Variants in DCP1B observed in about 807,000 individuals in gnomAD.
DCP1B encodes decapping mRNA 1B, also known as mRNA-decapping enzyme 1B.
In DCP1B, 47 loss-of-function variants were observed where a neutral mutation model predicts 60.5. The ratio of observed to expected loss-of-function variants is 0.78; its 90% confidence interval spans 0.61 to 0.99. The LOEUF (loss-of-function observed/expected upper bound fraction) is 0.99. DCP1B is among the 50% of genes least tolerant of loss of function. The probability of loss-of-function intolerance (pLI) is 0.00; values close to 1 mark genes in which losing one functional copy is unlikely to be tolerated. For missense variants in DCP1B, 725 were observed against 756.8 expected (o/e 0.96, Z 0.49); for synonymous variants, 267 against 280.3 (o/e 0.95, Z 0.47).
chr12:2,000,753 C>A (rs1223091961), intron 1 of DCP1B, among the ~76,000 whole-genome samples: 1 of 152,044 alleles, frequency 6.6e-6, no homozygotes, highest in African/African-American at 2.4e-5. Flanking sequence ...AAGAGATAAC[C>A]AGGCCGGGCA....
chr12:1,983,983 G>GT (rs1178754878), intron 3 of DCP1B, among the ~76,000 whole-genome samples: 1 of 151,906 alleles, frequency 6.6e-6, no homozygotes, highest in Non-Finnish European at 1.5e-5. Flanking sequence ...ATGCAATGTC[G>GT]TTTTTTATCC....
chr12:1,985,151 C>A (rs1423410842), intron 3 of DCP1B, among the ~76,000 whole-genome samples: 1 of 152,136 alleles, frequency 6.6e-6, no homozygotes, highest in Non-Finnish European at 1.5e-5. Context: ...TGAATCTATA[C>A]ATTTGTCTCC....
chr12:1,979,640 G>A (rs749558668), intron 3 of DCP1B, among the ~76,000 whole-genome samples: 2 of 152,170 alleles, frequency 1.3e-5, no homozygotes, highest in South Asian at 2.1e-4. Flanking sequence ...AACTACGAAC[G>A]GAACTTGTTG....
rs1333447512 is a variant in DCP1B, at chr12:1,967,855, C to A, written c.375G>T (p.Glu125Asp). Residue 125 changes from glutamate (E) to aspartate (D), a missense_variant, in exon 4 of 9, where the codon GAG becomes GAT. Glu to Asp is a conservative substitution (Grantham distance 45, BLOSUM62 2). Coordinates refer to ENST00000280665, the MANE Select transcript of DCP1B (RefSeq NM_152640.5). Reference protein sequence around the residue: ...YDKEECQRIAELMKNLTQYEQ... With the variant: ...YDKEECQRIADLMKNLTQYEQ... ...CTTTTAGTACTTACTTTTTCATAAG[C>A]TCTGCAATTCTTTGGCATTCTTCCT... The A allele has an allele frequency of 1.2e-6, 2 of 1,612,308 alleles. No homozygotes were observed. The highest frequency in any genetic ancestry group is 4.5e-5 in the East Asian group (2 of 44,752).
In DCP1B at chr12:1,949,196, C is replaced by T. The variant is rs200553703; in HGVS notation, c.1663G>A (p.Ala555Thr). 3.5e-5 allele frequency: 57 copies of T among 1,614,162 alleles called. 1 individual carries two copies. The Admixed American group carries it at 9.3e-4, about 26-fold the overall frequency. Reference protein sequence around the residue: ...LLPVGGQEPPAAATSLLLPIQ... With the variant: ...LLPVGGQEPPTAATSLLLPIQ... The stretch of plus-strand genomic sequence containing the variant: ...GGCAGGAGGAGGCTGGTGGCAGCAG[C>T]AGGTGGCTCCTGGCCTCCCACAGGC... The change falls in exon 8 of 9, where the codon GCT (alanine) becomes ACT (threonine). Residue 555 changes from alanine to threonine, a missense_variant. By Grantham distance (58) the Ala-to-Thr change is moderately conservative (BLOSUM62 0). Transcript: ENST00000280665.
At chr12:1,993,627 GGTGTGTGTGT>G (rs150056084) in intron 2 of DCP1B, among the ~76,000 whole-genome samples, 2 of 146,674 alleles carry the variant, frequency 1.4e-5, no homozygotes, top group South Asian at 2.2e-4. Flanking sequence ...CTTCATTTGT[GGTGTGTGTGT>G]GTGTGTGTGT....
downstream of DCP1B, among the ~76,000 whole-genome samples, chr12:1,941,908 CATA>C (rs2030289246): frequency 6.6e-6 from 1 of 152,142 alleles, no homozygotes; most frequent in Admixed American, 6.6e-5. Context: ...CAGCTAGCAT[CATA>C]ATGACAGGAT....
chr12:1,979,371 G>A (rs1466905851), intron 3 of DCP1B, among the ~76,000 whole-genome samples: 1 of 152,038 alleles, frequency 6.6e-6, no homozygotes, highest in South Asian at 2.1e-4. Flanking sequence ...CTGGAGTGCA[G>A]TGGTGCCATC....
At chr12:1,944,198 A>T (rs1362894926), downstream of DCP1B, among the ~76,000 whole-genome samples, 1 of 152,212 alleles carries the variant, frequency 6.6e-6, no homozygotes, top group African/African-American at 2.4e-5. Context: ...TACAAAGATA[A>T]TAAAATACCT....
At position 1,981,781 on chromosome 12, in the gene DCP1B, C is replaced by T. The variant is rs934565344; in HGVS notation, c.319+11483G>A. 2.0e-5 allele frequency among the ~76,000 whole-genome samples: 3 copies of T among 152,210 alleles called. No individual in the cohort carries two copies. In the East Asian group the frequency reaches 5.8e-4, roughly 29 times the overall value. On this transcript the variant is annotated intron_variant, in intron 3 of 8. Coordinates refer to ENST00000280665, the MANE Select transcript of DCP1B (RefSeq NM_152640.5). Reference sequence around the variant, plus strand: ...CTACACAGGGGACTCACAAAAACATCCAGGGAGGTAAAGTTCCAGCTGGGT... The same window carrying T: ...CTACACAGGGGACTCACAAAAACATTCAGGGAGGTAAAGTTCCAGCTGGGT...
At chr12:1,960,912 C>T (rs544888581) in intron 5 of DCP1B, among the ~76,000 whole-genome samples, 1 of 152,266 alleles carries the variant, frequency 6.6e-6, no homozygotes, top group African/African-American at 2.4e-5. Flanking sequence ...CATTTCACCC[C>T]CTTTCTTCTG....
At chr12:1,950,103 C>T in intron 7 of DCP1B, 3 of 516,642 alleles carry the variant, frequency 5.8e-6, no homozygotes. Flanking sequence ...TGTTATTTAT[C>T]AGCCTCCGAA....
chr12:2,004,133 C>A, intron 1 of DCP1B, 149 bp downstream of exon 1: 2 of 1,147,292 alleles, frequency 1.7e-6, no homozygotes, highest in Non-Finnish European at 2.4e-6. Flanking sequence ...GAGACCCCAT[C>A]TCCACAACTT....
In DCP1B at chr12:1,955,580, C is replaced by G; in HGVS notation, c.523-20G>C. 1.2e-6 allele frequency: 2 copies of G among 1,601,766 alleles called. No homozygotes were observed. The highest frequency in any genetic ancestry group is 1.7e-6 in the Non-Finnish European group (2 of 1,174,250). On this transcript the variant is annotated intron_variant, in intron 5 of 8. Transcript: ENST00000280665. ...TTTACACTGAAATAGAAAAGAAAAT[C>G]CCCTCATTTTTGGCTTAGAAAAGCT...
rs374411144 is a variant in DCP1B, at chr12:1,952,415, C to A, written c.1524+1G>T. ...TTATTTTGCCCCTGGTACATATTTA[C>A]CTGGAAAAGAGGAGTCTGCTGTTCT... On this transcript the variant is annotated splice_donor_variant, in intron 7 of 8. Coordinates refer to ENST00000280665, the MANE Select transcript of DCP1B (RefSeq NM_152640.5). LOFTEE classifies it high-confidence loss of function. 2 of 1,566,318 alleles carry A rather than the reference C, an allele frequency of 1.3e-6. No homozygotes were observed. Among genetic ancestry groups the A allele is most frequent in the African/African-American group, 2.7e-5 (2 of 72,966 alleles).
At chr12:1,988,395 T>G (rs557623921) in intron 3 of DCP1B, among the ~76,000 whole-genome samples, 34 of 152,302 alleles carry the variant, frequency 2.2e-4, no homozygotes, top group African/African-American at 8.2e-4. Flanking sequence ...CACATTTCAC[T>G]GGCCAAAGCA....
At chr12:1,965,252 G>A (rs948234999) in intron 5 of DCP1B, among the ~76,000 whole-genome samples, 1 of 152,066 alleles carries the variant, frequency 6.6e-6, no homozygotes. Flanking sequence ...GCTACTGTAA[G>A]TTGGGGTCTT....
At chr12:1,992,098 T>A in intron 3 of DCP1B, 1 of 346,638 alleles carries the variant, frequency 2.9e-6, no homozygotes. Context: ...AAGTCTTTAG[T>A]AATAAACTAC....
intron 7 of DCP1B, among the ~76,000 whole-genome samples, chr12:1,951,816 C>T (rs1433441210): frequency 6.6e-6 from 1 of 152,180 alleles, no homozygotes; most frequent in Non-Finnish European, 1.5e-5. Flanking sequence ...GAATAATTTA[C>T]TGTGGACTGA....
Sources: allele counts gnomAD v4.1 joint callset (sites outside exome capture counted in the v4.1 genomes callset), GRCh38; gene constraint gnomAD v4.1.1; transcripts MANE v1.5; gene names NCBI Gene and HGNC (gene_info 2026-07-23, HGNC 2026-07-21).